MARCHF1: variants seen among roughly 807,000 people sequenced by gnomAD.
MARCHF1 encodes membrane associated ring-CH-type finger 1.
Under a neutral mutation model 54.2 loss-of-function variants are expected in MARCHF1, and 40 were observed. The ratio of observed to expected loss-of-function variants is 0.74; its 90% CI spans 0.57 to 0.96. The LOEUF is 0.96. Ranked by LOEUF, MARCHF1 falls within the 40% of genes least tolerant of loss-of-function variation. The pLI is 0.00. For synonymous variants in MARCHF1, 236 were observed against 236.3 expected, an observed-to-expected ratio of 1.00 and a Z score of 0.01; for missense variants, 586 against 656.5, an observed-to-expected ratio of 0.89 and a Z score of 1.17.
intron 1 of MARCHF1, among the ~76,000 whole-genome samples, chr4:164,194,059 C>A (rs1325312032): frequency 6.6e-6 from 1 of 152,110 alleles, no homozygotes; most frequent in African/African-American, 2.4e-5. Flanking sequence ...CAACCAGAAT[C>A]ATCACCACAT....
intron 9 of MARCHF1, among the ~76,000 whole-genome samples, chr4:163,543,105 T>A (rs1363261492): frequency 6.6e-6 from 1 of 152,096 alleles, no homozygotes; most frequent in Middle Eastern, 3.2e-3. Flanking sequence ...ACTGAGGAAT[T>A]TCGGTTACCT....
At chr4:164,100,203 A>G (rs777599936) in intron 2 of MARCHF1, among the ~76,000 whole-genome samples, 15 of 144,756 alleles carry the variant, frequency 1.0e-4, no homozygotes, top group Non-Finnish European at 2.1e-4. Context: ...AACATAGGTT[A>G]AAACAATAGC....
chr4:163,756,263 A>G (rs1333027543), intron 4 of MARCHF1, among the ~76,000 whole-genome samples: 1 of 152,098 alleles, frequency 6.6e-6, no homozygotes, highest in Non-Finnish European at 1.5e-5. Context: ...TATTTGTTTA[A>G]TTCTTACTCC....
chr4:164,099,183 G>C (rs1215222392), intron 2 of MARCHF1, among the ~76,000 whole-genome samples: 1 of 152,144 alleles, frequency 6.6e-6, no homozygotes, highest in Non-Finnish European at 1.5e-5. Flanking sequence ...ATCCACAGGA[G>C]ACCCAGAGAA....
chr4:164,054,852 G>A (rs927971978), intron 2 of MARCHF1, among the ~76,000 whole-genome samples: 26 of 150,568 alleles, frequency 1.7e-4, no homozygotes, highest in Middle Eastern at 3.4e-3. Context: ...TGGGTGCAGT[G>A]CACCAGCATG....
At chr4:164,157,852 C>A (rs1287058942) in intron 1 of MARCHF1, among the ~76,000 whole-genome samples, 1 of 152,058 alleles carries the variant, frequency 6.6e-6, no homozygotes, top group Non-Finnish European at 1.5e-5. Flanking sequence ...GTTATGATTA[C>A]AACATATATT....
In MARCHF1 at chr4:163,528,525, ACATTTCCATATCATAC is replaced by A; in HGVS notation, c.*207_*222del. 4.1e-6 allele frequency: 2 copies of A among 488,790 alleles called. No individual in the cohort carries two copies. The highest frequency in any genetic ancestry group is 7.2e-6 in the Non-Finnish European group (2 of 276,666). The allele number at this position is 488,790 out of a possible 1,614,324, so 30.3% of individuals were successfully genotyped here. A position where few individuals can be genotyped will look rare whatever the true frequency, so the allele number is the denominator to read the frequency against. On this transcript the variant is annotated 3_prime_UTR_variant, in exon 10 of 10. Coordinates refer to ENST00000514618, the MANE Select transcript of MARCHF1 (RefSeq NM_001394959.1). The stretch of plus-strand genomic sequence containing the variant: ...TGGAAATCATTCTCTTGCAAACTTC[ACATTTCCATATCATAC>A]TTTACTTTACGCTATTACTTCATGG...
intron 1 of MARCHF1, among the ~76,000 whole-genome samples, chr4:164,231,283 T>A (rs1732407870): frequency 6.6e-6 from 1 of 152,198 alleles, no homozygotes; most frequent in Non-Finnish European, 1.5e-5. Context: ...CCACACAAAT[T>A]TCTTTCACAG....
At chr4:163,548,752 C>G (rs1478655029) in intron 8 of MARCHF1, among the ~76,000 whole-genome samples, 3 of 152,112 alleles carry the variant, frequency 2.0e-5, no homozygotes, top group Non-Finnish European at 2.9e-5. Flanking sequence ...ATTTTATAAA[C>G]CTTTCCCTTC....
intron 4 of MARCHF1, among the ~76,000 whole-genome samples, chr4:163,793,133 T>TA (rs1170645996): frequency 2.6e-5 from 4 of 152,218 alleles, no homozygotes; most frequent in African/African-American, 9.6e-5. Flanking sequence ...TAAAATGGAA[T>TA]AAAAAATGTT....
intron 4 of MARCHF1, among the ~76,000 whole-genome samples, chr4:163,724,943 C>T (rs922126062): frequency 9.2e-5 from 14 of 152,226 alleles, no homozygotes; most frequent in Admixed American, 1.3e-4. Flanking sequence ...ATTCCCTGAC[C>T]CCTTGCACTT....
chr4:163,577,335 T>C (rs975319301), intron 8 of MARCHF1, among the ~76,000 whole-genome samples: 1 of 152,140 alleles, frequency 6.6e-6, no homozygotes, highest in Non-Finnish European at 1.5e-5. Context: ...CCTTTGCTTG[T>C]GAAGTTTAGT....
At chr4:164,300,679 T>C (rs1481773770) in intron 1 of MARCHF1, among the ~76,000 whole-genome samples, 1 of 152,150 alleles carries the variant, frequency 6.6e-6, no homozygotes, top group Non-Finnish European at 1.5e-5. Flanking sequence ...TAGCTGGGCC[T>C]ACATGTGTGT....
chr4:163,771,262 G>A (rs530073598), intron 4 of MARCHF1, among the ~76,000 whole-genome samples: 1 of 152,296 alleles, frequency 6.6e-6, no homozygotes, highest in South Asian at 2.1e-4. Flanking sequence ...AGTCTACGAT[G>A]TACGGGACAC....
At chr4:164,302,008 G>C (rs1327550080) in intron 1 of MARCHF1, among the ~76,000 whole-genome samples, 1 of 152,214 alleles carries the variant, frequency 6.6e-6, no homozygotes. Context: ...TCCAGGAGAG[G>C]AGTATGGACG....
chr4:163,814,766 C>T (rs540029756), intron 4 of MARCHF1, among the ~76,000 whole-genome samples: 7 of 152,188 alleles, frequency 4.6e-5, no homozygotes, highest in Non-Finnish European at 8.8e-5. Context: ...TTTATTTTCT[C>T]CCTAGTTTTC....
chr4:163,753,886 A>G (rs17044120), intron 4 of MARCHF1, among the ~76,000 whole-genome samples: 3,596 of 152,312 alleles, frequency 0.024, 139 homozygotes, highest in African/African-American at 0.081. Context: ...GAACAGCAAT[A>G]GCGGCAGAAG....
intron 4 of MARCHF1, among the ~76,000 whole-genome samples, chr4:163,804,047 G>A (rs1253067403): frequency 6.6e-6 from 1 of 152,100 alleles, no homozygotes; most frequent in African/African-American, 2.4e-5. Context: ...TCTTGACTGA[G>A]AAAAAATAAT....
chr4:163,770,768 G>A (rs1747135820), intron 4 of MARCHF1, among the ~76,000 whole-genome samples: 1 of 152,132 alleles, frequency 6.6e-6, no homozygotes, highest in South Asian at 2.1e-4. Flanking sequence ...GGAAGAAAAA[G>A]TTCTTCAACG....
Sources: gnomAD v4.1 joint callset for allele counts (sites outside exome capture counted in the v4.1 genomes callset) on GRCh38, gnomAD v4.1.1 for gene constraint, MANE v1.5 for transcripts, NCBI Gene and HGNC (gene_info 2026-07-23, HGNC 2026-07-21) for gene names.